The following ZFYVE19 variants were observed in gnomAD, a reference collection of about 807,000 sequenced individuals.
ZFYVE19 encodes abscission/NoCut checkpoint regulator.
ZFYVE19 carries 49 observed loss-of-function variants against 62.8 expected under a neutral mutation model. The observed-to-expected ratio is 0.78, with a 90% CI of 0.62 to 0.99. The LOEUF (loss-of-function observed/expected upper bound fraction) is 0.99. ZFYVE19 is among the 50% of genes least tolerant of loss of function. The pLI, the probability that ZFYVE19 is intolerant of heterozygous loss-of-function variation, is 0.00. For missense variants in ZFYVE19, 630 were observed against 601.9 expected, an observed-to-expected ratio of 1.05 and a Z score of -0.49; for synonymous variants, 242 against 234.3, an observed-to-expected ratio of 1.03 and a Z score of -0.30.
chr15:40,809,121 C>A lies in ZFYVE19; in HGVS notation c.282C>A (p.Tyr94Ter), dbSNP rs1468721811. 13 of 1,613,880 alleles carry A rather than the reference C, an allele frequency of 8.1e-6. No individual in the cohort carries two copies. The highest frequency in any genetic ancestry group is 1.1e-5 in the Non-Finnish European group (13 of 1,179,796). The stretch of plus-strand genomic sequence containing the variant: ...CTCCCGCTTCATGTTTCTTGTAGTA[C>A]GGCTGTAAGAATTGTGGCAGGGCCT... ...AVKFTLFKKE[Y>*]GCKNCGRAFC... Residue 94 changes from tyrosine (Y) to a stop codon, truncating the protein, a stop_gained and splice_region_variant, in exon 2 of 11, where the codon TAC becomes TAA. Coordinates refer to ENST00000355341, the MANE Select transcript of ZFYVE19 (RefSeq NM_001077268.2). LOFTEE classifies it high-confidence loss of function.
chr15:40,809,039 C>G lies in ZFYVE19; in HGVS notation c.280-80C>G, dbSNP rs568172833. ...TGGTCATAACTTCAGTGACTTCTCTCTGTGTGTGCTTGGAGAGTCCCTGGG... is the reference window on the plus strand; with the variant it reads ...TGGTCATAACTTCAGTGACTTCTCTGTGTGTGTGCTTGGAGAGTCCCTGGG... On this transcript the variant is annotated intron_variant, in intron 1 of 10. Coordinates refer to ENST00000355341, the MANE Select transcript of ZFYVE19 (RefSeq NM_001077268.2). 3.1e-5 allele frequency: 49 copies of G among 1,576,780 alleles called. No homozygotes were observed. The African/African-American group carries it at 5.6e-4, about 18-fold the overall frequency.
At chr15:40,809,597 C>G (rs146400922) in intron 3 of ZFYVE19, 139 bp downstream of exon 3, 2 of 1,142,632 alleles carry the variant, frequency 1.8e-6, no homozygotes, top group African/African-American at 1.6e-5. Context: ...TGACTGCCCT[C>G]TTGGGCTGGT....
In ZFYVE19 at chr15:40,813,317, TC is replaced by T; in HGVS notation, c.1031-18del. 1 of 1,611,450 alleles carries T rather than the reference TC, an allele frequency of 6.2e-7. No homozygotes were observed. On this transcript the variant is annotated intron_variant, in intron 7 of 10. Transcript: ENST00000355341. The stretch of plus-strand genomic sequence containing the variant: ...TCACTCTCACTCCCCCATCCCCTGT[TC>T]CCATGTCTCCCTCTTCAAGTGACCC...
intron 1 of ZFYVE19, 58 bp downstream of exon 1, chr15:40,807,926 G>A (rs1890320724): frequency 6.5e-7 from 1 of 1,547,904 alleles, no homozygotes. Context: ...GAAAAGCGCG[G>A]GACTTAACGT....
chr15:40,808,472 T>G, intron 1 of ZFYVE19: 1 of 1,507,564 alleles, frequency 6.6e-7, no homozygotes, highest in Non-Finnish European at 8.9e-7. Flanking sequence ...GGCAGGACCG[T>G]GCAGCATTCA....
In ZFYVE19 at chr15:40,810,123, T is replaced by C. The variant is rs769515240; in HGVS notation, c.624T>C (p.Asp208=). ...EIEARLAALK[D]ERQGSIPSTQ... ...AGGCACGGCTGGCTGCCCTAAAGGA[T>C]GAACGTCAGGGTTCCATCCCTTCCA... Residue 208 remains aspartate (D), a synonymous_variant, in exon 5 of 11, where the codon GAT becomes GAC. Transcript: ENST00000355341. 3 of 1,614,126 alleles carry C rather than the reference T, an allele frequency of 1.9e-6. No individual in the cohort carries two copies. The highest frequency in any genetic ancestry group is 1.1e-5 in the South Asian group (1 of 91,080).
intron 3 of ZFYVE19, 107 bp downstream of exon 3, chr15:40,809,565 G>T (rs1890411911): frequency 7.2e-7 from 1 of 1,396,510 alleles, no homozygotes; most frequent in African/African-American, 1.4e-5. Context: ...AGAATCAGGA[G>T]AATTCTCTCC....
chr15:40,812,968 C>A, intron 7 of ZFYVE19, 66 bp downstream of exon 7: 2 of 1,561,108 alleles, frequency 1.3e-6, no homozygotes, highest in Non-Finnish European at 1.7e-6. Context: ...AGGGCTGAGT[C>A]AGGTGCTGGG....
At position 40,809,679 on chromosome 15, in the gene ZFYVE19, C is replaced by T. The variant is rs79835106; in HGVS notation, c.453-173C>T. On this transcript the variant is annotated intron_variant, in intron 3 of 10. Coordinates refer to ENST00000355341, the MANE Select transcript of ZFYVE19 (RefSeq NM_001077268.2). ...TTGTCCTTTCAGCTGGACCGTCTGGCTGGTCAGCCAGGTTGGGCTGCAGGG... is the reference window on the plus strand; with the variant it reads ...TTGTCCTTTCAGCTGGACCGTCTGGTTGGTCAGCCAGGTTGGGCTGCAGGG... Among the ~76,000 whole-genome samples, 587 of 152,316 alleles carry T rather than the reference C, an allele frequency of 3.9e-3. 3 individuals are homozygous for T. Among genetic ancestry groups the T allele is most frequent in the African/African-American group, 0.013 (558 of 41,580 alleles).
chr15:40,813,850 C>G (rs376086880), intron 9 of ZFYVE19, 39 bp downstream of exon 9: 12 of 1,601,884 alleles, frequency 7.5e-6, no homozygotes, highest in East Asian at 4.5e-5. Flanking sequence ...AGGCTCCCCC[C>G]AGCCTTGCTT....
rs554561847 is a variant in ZFYVE19 at position 40,814,358 on chromosome 15, G to T, written c.*132G>T. On this transcript the variant is annotated 3_prime_UTR_variant, in exon 11 of 11. Coordinates refer to ENST00000355341, the MANE Select transcript of ZFYVE19 (RefSeq NM_001077268.2). The stretch of plus-strand genomic sequence containing the variant: ...TGGATAGGCCCCTTCCTGAGCCTTG[G>T]TGTCCCTGGAATGAGGAAAGATTCT... 3 of 1,020,362 alleles carry T rather than the reference G, an allele frequency of 2.9e-6. No homozygotes were observed. Among genetic ancestry groups the T allele is most frequent in the African/African-American group, 3.2e-5 (2 of 62,400 alleles). 63.2% of individuals were successfully genotyped at this position (1,020,362 alleles called of 1,614,324 possible). A position where few individuals can be genotyped will look rare whatever the true frequency, so the allele number is the denominator to read the frequency against.
Position 40,807,690 on chromosome 15 carries a change from C to T in ZFYVE19, c.101C>T (p.Pro34Leu), listed in dbSNP as rs1450848166. ...GCTCTAGGTCGCGGCGGGACAGTGCCAGTGGGCGTGTGGGGCGGGGCAGGG... is the reference window on the plus strand; with the variant it reads ...GCTCTAGGTCGCGGCGGGACAGTGCTAGTGGGCGTGTGGGGCGGGGCAGGG... ...FPALGRGGTV[P>L]VGVWGGAGQG... Residue 34 changes from proline (P) to leucine (L), a missense_variant, in exon 1 of 11, where the codon CCA becomes CTA. Coordinates refer to ENST00000355341, the MANE Select transcript of ZFYVE19 (RefSeq NM_001077268.2). The T allele has an allele frequency of 1.3e-6, 2 of 1,570,972 alleles. No homozygotes were observed. The highest frequency in any genetic ancestry group is 8.7e-7 in the Non-Finnish European group (1 of 1,151,334).
intron 1 of ZFYVE19, chr15:40,808,850 T>C: frequency 2.5e-6 from 1 of 400,916 alleles, no homozygotes; most frequent in Non-Finnish European, 4.6e-6. Flanking sequence ...TTTATCTATC[T>C]GTCTTCTACA....
chr15:40,809,081 G>C, intron 1 of ZFYVE19, 38 bp from the exon 2 acceptor site: 1 of 1,608,014 alleles, frequency 6.2e-7, no homozygotes. Flanking sequence ...CTGCAGGGGC[G>C]GGTGAGAGGG....
At position 40,813,454 on chromosome 15, in the gene ZFYVE19, G is replaced by C. The variant is rs201369831; in HGVS notation, c.1110+37G>C. 1.7e-5 allele frequency: 27 copies of C among 1,559,724 alleles called. No homozygotes were observed. The South Asian group carries it at 3.0e-4, about 18-fold the overall frequency. ...TTACCCACCTGCCACCCCTTGTCCCGTCTCCGCCTCATTGCCCCACCTCTA... is the reference window on the plus strand; with the variant it reads ...TTACCCACCTGCCACCCCTTGTCCCCTCTCCGCCTCATTGCCCCACCTCTA... On this transcript the variant is annotated intron_variant, in intron 8 of 10. Coordinates refer to ENST00000355341, the MANE Select transcript of ZFYVE19 (RefSeq NM_001077268.2).
chr15:40,810,801 TC>T (rs771123303), intron 6 of ZFYVE19, 44 bp downstream of exon 6: 68 of 1,549,206 alleles, frequency 4.4e-5, no homozygotes, highest in Non-Finnish European at 4.6e-5. Flanking sequence ...CCTACCTCTT[TC>T]CCCAGACTGG....
rs571179406 is a variant in ZFYVE19 at position 40,814,147 on chromosome 15, G to A, written c.1338-1G>A. ...CTGACTTGTATCCCTTTGTTCCACA[G>A]AGAGGGCCATGATGCCTTTGAGCTT... is the stretch of plus-strand genomic sequence containing the variant. On this transcript the variant is annotated splice_acceptor_variant, in intron 10 of 10. Transcript: ENST00000355341. LOFTEE classifies it high-confidence loss of function. The A allele has an allele frequency of 8.7e-6, 14 of 1,614,110 alleles. No individual in the cohort carries two copies. In the South Asian group the frequency reaches 1.3e-4, roughly 15 times the overall value.
In ZFYVE19 at chr15:40,810,679, G is replaced by C. The variant is rs745511252; in HGVS notation, c.748G>C (p.Ala250Pro). 5 of 1,575,896 alleles carry C rather than the reference G, an allele frequency of 3.2e-6. No homozygotes were observed. The highest frequency in any genetic ancestry group is 2.6e-6 in the Non-Finnish European group (3 of 1,160,682). The change falls in exon 6 of 11, where the codon GCC becomes CCC. Residue 250 changes from alanine to proline, a missense_variant. Transcript: ENST00000355341. ...AHHTPDTRTQ[A>P]QQTQDLLTQL... is the part of the protein sequence containing the mutation. ...TCACACACCGGACACCAGGACCCAAGCCCAGCAGACACAGGATCTGCTAAC... is the reference window on the plus strand; with the variant it reads ...TCACACACCGGACACCAGGACCCAACCCCAGCAGACACAGGATCTGCTAAC...
chr15:40,810,723 G>C lies in ZFYVE19; in HGVS notation c.792G>C (p.Val264=). 1.9e-6 allele frequency: 3 copies of C among 1,569,822 alleles called. No individual in the cohort carries two copies. The highest frequency in any genetic ancestry group is 2.6e-6 in the Non-Finnish European group (3 of 1,157,098). The change falls in exon 6 of 11, where the codon GTG becomes GTC. Residue 264 remains valine (V), a synonymous_variant. Transcript: ENST00000355341. ...QDLLTQLAAE[V]AIDESWKGGG... is the part of the protein sequence containing the mutation. ...TGCTAACGCAGCTGGCAGCTGAGGT[G>C]GCTATCGATGAAAGCTGGAAAGGAG...
Sources: gnomAD v4.1 joint callset for allele counts (sites outside exome capture counted in the v4.1 genomes callset) on GRCh38, gnomAD v4.1.1 for gene constraint, MANE v1.5 for transcripts, NCBI Gene and HGNC (gene_info 2026-07-23, HGNC 2026-07-21) for gene names.